POLR2F: variants seen among roughly 807,000 people sequenced by gnomAD.
The protein encoded by POLR2F is RNA polymerase II, I and III subunit F.
A neutral mutation model predicts 22.7 loss-of-function variants in POLR2F; 12 were observed. The observed-to-expected ratio is 0.53, with a 90% CI of 0.34 to 0.86. POLR2F has a LOEUF of 0.86. Among genes scored for constraint, POLR2F ranks in the 40% least tolerant of loss-of-function variants. The pLI is 0.02. For synonymous variants in POLR2F, 57 were observed against 66.0 expected (o/e 0.86, Z 0.66); for missense variants, 126 against 171.5 (o/e 0.73, Z 1.48).
At position 37,968,322 on chromosome 22, in the gene POLR2F, C is replaced by T; in HGVS notation, c.*607C>T. On this transcript the variant is annotated 3_prime_UTR_variant, in exon 5 of 5. Transcript: ENST00000442738. ...AGCAAGGACCGAGCACCTGCCTACC[C>T]CTGCCCCCATGGCTCTGTCCCCACT... The T allele has an allele frequency of 1.0e-6, 1 of 985,948 alleles. No individual in the cohort carries two copies. Among genetic ancestry groups the T allele is most frequent in the African/African-American group, 1.7e-5 (1 of 57,384 alleles). 61.1% of individuals were successfully genotyped at this position (985,948 alleles called of 1,614,324 possible).
rs1286013989 is a variant in POLR2F, at chr22:37,999,812, A to G, written c.120+13500A>G. ...AACTGGCAGGTTCAGAGGTAAGAGAAGGTAACAGGTGTCAAGTGCCCGACA... is the reference window on the plus strand; with the variant it reads ...AACTGGCAGGTTCAGAGGTAAGAGAGGGTAACAGGTGTCAAGTGCCCGACA... On this transcript the variant is annotated intron_variant, in intron 1 of 2. Coordinates refer to the POLR2F transcript ENST00000333418. Among the ~76,000 whole-genome samples the G allele has an allele frequency of 2.0e-5, 3 of 152,294 alleles. No homozygotes were observed. The East Asian group carries it at 5.8e-4, about 29-fold the overall frequency.
chr22:38,021,064 G>A (rs1285769307), intron 1 of POLR2F, among the ~76,000 whole-genome samples: 4 of 152,192 alleles, frequency 2.6e-5, no homozygotes, highest in Non-Finnish European at 1.5e-5. Context: ...AGCATCCAGG[G>A]CACAGAGGAG....
chr22:37,957,837 TC>T (rs1248680202), intron 2 of POLR2F, among the ~76,000 whole-genome samples: 1 of 152,202 alleles, frequency 6.6e-6, no homozygotes, highest in Non-Finnish European at 1.5e-5. Context: ...CTCTGTGTGC[TC>T]TTCTCCTTTC....
intron 3 of POLR2F, 113 bp downstream of exon 3, chr22:37,959,589 C>A: frequency 2.4e-6 from 3 of 1,259,012 alleles, no homozygotes; most frequent in South Asian, 1.4e-5. Flanking sequence ...TCTCACATTC[C>A]AAAAGTGGTG....
At chr22:38,009,006 A>G (rs950110444) in intron 1 of POLR2F, among the ~76,000 whole-genome samples, 1 of 152,210 alleles carries the variant, frequency 6.6e-6, no homozygotes, top group Admixed American at 6.5e-5. Context: ...TGGCATATGC[A>G]TGAAGACCTG....
chr22:37,967,522 C>T, intron 4 of POLR2F, 103 bp from the exon 5 acceptor site: 1 of 1,538,936 alleles, frequency 6.5e-7, no homozygotes, highest in South Asian at 1.3e-5. Context: ...AGAGGCTGCT[C>T]CTAAGACTTC....
downstream of POLR2F, chr22:37,973,219 G>T (rs901142998): frequency 1.7e-5 from 7 of 417,116 alleles, no homozygotes; most frequent in East Asian, 3.6e-5. Flanking sequence ...GGTCATTCCT[G>T]GGGGAAGGTG....
intron 1 of POLR2F, among the ~76,000 whole-genome samples, chr22:38,011,472 T>G (rs1055284979): frequency 3.3e-5 from 5 of 152,060 alleles, no homozygotes; most frequent in Non-Finnish European, 7.4e-5. Flanking sequence ...CTTTTTTTTT[T>G]TTTTTACACT....
chr22:37,962,222 A>G (rs923258610), intron 3 of POLR2F, among the ~76,000 whole-genome samples: 10 of 152,006 alleles, frequency 6.6e-5, no homozygotes, highest in African/African-American at 9.7e-5. Context: ...CAGAGACTCC[A>G]TCTCAAAACA....
At chr22:37,995,992 AC>A (rs1475678042) in intron 1 of POLR2F, among the ~76,000 whole-genome samples, 7 of 152,080 alleles carry the variant, frequency 4.6e-5, no homozygotes, top group African/African-American at 1.7e-4. Context: ...CAGGAGTGAG[AC>A]CCTGTCTCAA....
intron 3 of POLR2F, among the ~76,000 whole-genome samples, chr22:37,963,394 AT>A (rs1211992909): frequency 6.6e-6 from 1 of 152,138 alleles, no homozygotes; most frequent in Non-Finnish European, 1.5e-5. Flanking sequence ...GGCTTAAGTG[AT>A]CTTCCCACTT....
intron 1 of POLR2F, among the ~76,000 whole-genome samples, chr22:38,002,086 G>T (rs2145799906): frequency 6.6e-6 from 1 of 151,976 alleles, no homozygotes; most frequent in South Asian, 2.1e-4. Flanking sequence ...CTGACCTCGG[G>T]TGATCCATCC....
chr22:37,986,226 G>C lies in POLR2F; in HGVS notation c.36G>C (p.Leu12=). The change falls in exon 1 of 3, where the codon CTG becomes CTC. Residue 12 remains leucine, a synonymous_variant. Coordinates refer to the POLR2F transcript ENST00000333418. The surrounding 1 kb of genome is among the most constrained non-coding windows in gnomAD (Gnocchi z 4.7). ...ACAGAGGGACGAGGGACGAGCATCTGCCGTCGTGTCCCGGCTGCCCTGCAG... is the reference window on the plus strand; with the variant it reads ...ACAGAGGGACGAGGGACGAGCATCTCCCGTCGTGTCCCGGCTGCCCTGCAG... 6.5e-7 allele frequency: 1 copy of C among 1,541,682 alleles called. No homozygotes were observed. The highest frequency in any genetic ancestry group is 8.7e-7 in the Non-Finnish European group (1 of 1,147,444).
intron 1 of POLR2F, among the ~76,000 whole-genome samples, chr22:38,020,357 C>T (rs749849214): frequency 1.1e-4 from 16 of 151,836 alleles, no homozygotes; most frequent in Non-Finnish European, 2.1e-4. Flanking sequence ...CTCCTCCTCC[C>T]GGATTCAAGC....
chr22:37,982,099 C>T (rs1932417629), upstream of POLR2F, among the ~76,000 whole-genome samples: 1 of 152,200 alleles, frequency 6.6e-6, no homozygotes, highest in Non-Finnish European at 1.5e-5. Flanking sequence ...TTTTCTGGAA[C>T]CCAGATGCTC....
chr22:37,995,354 C>A (rs2084703363), intron 1 of POLR2F, among the ~76,000 whole-genome samples: 1 of 152,174 alleles, frequency 6.6e-6, no homozygotes, highest in Non-Finnish European at 1.5e-5. Context: ...TCTCCTGGGT[C>A]TGTCATTCCC....
intron 1 of POLR2F, among the ~76,000 whole-genome samples, chr22:38,013,456 T>A (rs1312615734): frequency 6.6e-6 from 1 of 152,220 alleles, no homozygotes; most frequent in Non-Finnish European, 1.5e-5. Context: ...AGTTGTGACT[T>A]CTTTCTTAAG....
chr22:37,966,071 A>G (rs1480033093), intron 3 of POLR2F, among the ~76,000 whole-genome samples: 1 of 152,206 alleles, frequency 6.6e-6, no homozygotes, highest in African/African-American at 2.4e-5. Flanking sequence ...GAAAGTTTCC[A>G]AACAAGTAGT....
Position 37,968,955 on chromosome 22 carries a change from CCTT to C in POLR2F, c.*1241_*1243del, listed in dbSNP as rs1244659445. The C allele has an allele frequency of 1.0e-6, 1 of 985,380 alleles. No individual in the cohort carries two copies. The highest frequency in any genetic ancestry group is 1.2e-6 in the Non-Finnish European group (1 of 829,964). The allele number at this position is 985,380 out of a possible 1,614,324, so 61.0% of individuals were successfully genotyped here. A position where few individuals can be genotyped will look rare whatever the true frequency, so the allele number is the denominator to read the frequency against. On this transcript the variant is annotated 3_prime_UTR_variant, in exon 5 of 5. Transcript: ENST00000442738. Reference sequence around the variant, plus strand: ...CCACCCTCCTCCAAGCCTGTGGAATCCTTTAATCAAGTTGGGTGCTGAAATTTC... The same window carrying C: ...CCACCCTCCTCCAAGCCTGTGGAATCTAATCAAGTTGGGTGCTGAAATTTC...
Sources: allele counts gnomAD v4.1 joint callset (sites outside exome capture counted in the v4.1 genomes callset), GRCh38; gene constraint gnomAD v4.1.1; non-coding constraint Gnocchi (gnomAD v3.1); transcripts MANE v1.5; gene names NCBI Gene and HGNC (gene_info 2026-07-23, HGNC 2026-07-21).